The following TRIM42 variants were observed in gnomAD, a reference collection of about 807,000 sequenced individuals.
TRIM42 encodes the protein tripartite motif-containing protein 42.
In TRIM42, 59 loss-of-function variants were observed where a neutral mutation model predicts 64.9. The ratio of observed to expected loss-of-function variants is 0.91; its 90% confidence interval spans 0.74 to 1.13. The LOEUF is 1.13. TRIM42 is among the 50% of genes most tolerant of loss of function. TRIM42 has a pLI of 0.00. For missense variants in TRIM42, 878 were observed against 929.5 expected (o/e 0.94, Z 0.72); for synonymous variants, 354 against 346.3 (o/e 1.02, Z -0.25).
In TRIM42 at chr3:140,688,473, C is replaced by A. The variant is rs1021590216; in HGVS notation, c.1791C>A (p.Asn597Lys). ...SSSFHNWYSFNDGSVKTPGPI... is the reference protein window; with the variant it reads ...SSSFHNWYSFKDGSVKTPGPI... ...GCTTCCACAACTGGTACTCATTCAA[C>A]GATGGCTCTGTGAAGACCCCAGGCC... Residue 597 changes from asparagine (N) to lysine (K), a missense_variant, in exon 3 of 5, where the codon AAC (asparagine) becomes AAA (lysine). Transcript: ENST00000286349. The A allele has an allele frequency of 1.9e-6, 3 of 1,614,050 alleles. No homozygotes were observed. In the African/African-American group the frequency reaches 4.0e-5, roughly 22 times the overall value.
At chr3:140,691,272 G>C in intron 4 of TRIM42, 80 bp downstream of exon 4, 7 of 1,215,908 alleles carry the variant, frequency 5.8e-6, no homozygotes, top group Non-Finnish European at 8.4e-6. Flanking sequence ...ATGATCGTGA[G>C]ATTATAGAAC....
At chr3:140,695,642 G>C (rs1988827949) in intron 4 of TRIM42, among the ~76,000 whole-genome samples, 1 of 152,124 alleles carries the variant, frequency 6.6e-6, no homozygotes, top group Non-Finnish European at 1.5e-5. Flanking sequence ...CTGTGCTCCT[G>C]CTGAAACCCC....
intron 4 of TRIM42, among the ~76,000 whole-genome samples, chr3:140,697,831 C>T (rs1988895134): frequency 6.6e-6 from 1 of 152,150 alleles, no homozygotes; most frequent in Non-Finnish European, 1.5e-5. Flanking sequence ...CTACAGGCGC[C>T]CGCCACCACG....
chr3:140,691,093 A>C lies in TRIM42; in HGVS notation c.1986A>C (p.Gln662His). The change falls in exon 4 of 5, where the codon CAA (glutamine) becomes CAC (histidine). Residue 662 changes from glutamine (Q) to histidine (H), a missense_variant. Physicochemically the swap from Gln to His is conservative, Grantham distance 24. Transcript: ENST00000286349. ...LCGQIRDIMQ[Q>H]NLELHNLTPN... ...GACAAATTCGGGACATAATGCAGCA[A>C]AATCTGGAGCTGCACAACCTGACCC... 6.2e-7 allele frequency: 1 copy of C among 1,614,198 alleles called. No homozygotes were observed. The highest frequency in any genetic ancestry group is 8.5e-7 in the Non-Finnish European group (1 of 1,180,020).
chr3:140,679,502 G>A (rs977881587), intron 1 of TRIM42, among the ~76,000 whole-genome samples: 2 of 152,178 alleles, frequency 1.3e-5, no homozygotes, highest in Admixed American at 6.5e-5. Flanking sequence ...TTTCAAGCCT[G>A]GAAAAGCAAT....
At chr3:140,693,600 T>C (rs533313428) in intron 4 of TRIM42, among the ~76,000 whole-genome samples, 4 of 152,244 alleles carry the variant, frequency 2.6e-5, no homozygotes, top group Non-Finnish European at 5.9e-5. Context: ...CTTCATTTCT[T>C]ACCTATAAAA....
intron 4 of TRIM42, among the ~76,000 whole-genome samples, 182 bp downstream of exon 4, chr3:140,691,374 G>A (rs992472919): frequency 6.6e-6 from 1 of 152,192 alleles, no homozygotes; most frequent in Non-Finnish European, 1.5e-5. Flanking sequence ...TGCAGATGTC[G>A]CCTGAGAATT....
At chr3:140,695,472 T>C (rs1419679893) in intron 4 of TRIM42, among the ~76,000 whole-genome samples, 1 of 152,132 alleles carries the variant, frequency 6.6e-6, no homozygotes, top group Admixed American at 6.6e-5. Flanking sequence ...GGTCTTTCCC[T>C]GTTAGCTCTT....
In TRIM42 at chr3:140,700,922, C is replaced by A. The variant is rs1201699278; in HGVS notation, c.2120C>A (p.Ala707Asp). 1 of 1,614,106 alleles carries A rather than the reference C, an allele frequency of 6.2e-7. No individual in the cohort carries two copies. Among genetic ancestry groups the A allele is most frequent in the East Asian group, 2.2e-5 (1 of 44,884 alleles). The change falls in exon 5 of 5, where the codon GCT becomes GAT. Residue 707 changes from alanine (A) to aspartate (D), a missense_variant. Ala to Asp is a moderately radical substitution (Grantham distance 126). Transcript: ENST00000286349. ...VTPDGHGKNR[A>D]KWGLLKNIQS... Reference sequence around the variant, plus strand: ...CCAGATGGACATGGGAAGAACCGAGCTAAGTGGGGCCTGCTGAAGAATATC... The same window carrying A: ...CCAGATGGACATGGGAAGAACCGAGATAAGTGGGGCCTGCTGAAGAATATC...
At chr3:140,679,258 CT>C (rs1389777231) in intron 1 of TRIM42, among the ~76,000 whole-genome samples, 3 of 152,190 alleles carry the variant, frequency 2.0e-5, no homozygotes. Context: ...CTACTACCTT[CT>C]TTTTCCCATC....
chr3:140,683,804 C>T lies in TRIM42; in HGVS notation c.1039+645C>T, dbSNP rs1988480918. Among the ~76,000 whole-genome samples, 6 of 152,290 alleles carry T rather than the reference C, an allele frequency of 3.9e-5. No homozygotes were observed. The South Asian group carries it at 1.2e-3, about 32-fold the overall frequency. ...TTCTAGTCAACAGCTTATTTTTCCTCTGCATGCTTGTTCATGGTGATTTGG... is the reference window on the plus strand; with the variant it reads ...TTCTAGTCAACAGCTTATTTTTCCTTTGCATGCTTGTTCATGGTGATTTGG... On this transcript the variant is annotated intron_variant, in intron 2 of 4. Coordinates refer to ENST00000286349, the MANE Select transcript of TRIM42 (RefSeq NM_152616.5).
chr3:140,684,197 G>GT (rs1474973759), intron 2 of TRIM42, among the ~76,000 whole-genome samples: 1 of 151,822 alleles, frequency 6.6e-6, no homozygotes, highest in Non-Finnish European at 1.5e-5. Flanking sequence ...GACAACTGTG[G>GT]TTCAAAAAAA....
rs145987304 is a variant in TRIM42 at position 140,688,338 on chromosome 3, T to C, written c.1656T>C (p.Gly552=). ...FSNTDKKAKV[G]LEACGRAQSA... ...ACACTGACAAGAAGGCCAAGGTGGGTCTGGAGGCCTGTGGGAGAGCCCAGT... is the reference window on the plus strand; with the variant it reads ...ACACTGACAAGAAGGCCAAGGTGGGCCTGGAGGCCTGTGGGAGAGCCCAGT... Residue 552 remains glycine (G), a synonymous_variant, in exon 3 of 5, where the codon GGT becomes GGC. Transcript: ENST00000286349. 3 of 1,614,088 alleles carry C rather than the reference T, an allele frequency of 1.9e-6. No homozygotes were observed. The highest frequency in any genetic ancestry group is 2.5e-6 in the Non-Finnish European group (3 of 1,180,010).
At chr3:140,690,549 A>G (rs1254586613) in intron 3 of TRIM42, among the ~76,000 whole-genome samples, 66 of 19,744 alleles carry the variant, frequency 3.3e-3, no homozygotes, top group African/African-American at 6.9e-3. Flanking sequence ...ATATATATAT[A>G]TATATATATA....
chr3:140,687,408 C>T (rs77889920), intron 2 of TRIM42, among the ~76,000 whole-genome samples: 4,973 of 152,292 alleles, frequency 0.033, 256 homozygotes, highest in African/African-American at 0.11. Context: ...TTGCAGACAA[C>T]TGAAATCTGG....
At chr3:140,692,070 T>G (rs543521763) in intron 4 of TRIM42, among the ~76,000 whole-genome samples, 2 of 152,202 alleles carry the variant, frequency 1.3e-5, no homozygotes, top group African/African-American at 2.4e-5. Context: ...AGGATATGCA[T>G]CTGATCTGAT....
Position 140,683,067 on chromosome 3 carries a change from C to T in TRIM42, c.947C>T (p.Ser316Phe). The T allele has an allele frequency of 3.1e-6, 5 of 1,614,258 alleles. No individual in the cohort carries two copies. The highest frequency in any genetic ancestry group is 4.2e-6 in the Non-Finnish European group (5 of 1,180,038). The change falls in exon 2 of 5, where the codon TCT becomes TTT. Residue 316 changes from serine (S) to phenylalanine (F), a missense_variant. Transcript: ENST00000286349. ...NKLLCTFCKF[S>F]FHNGHDTISL... ...TTGCTCTGCACCTTCTGCAAGTTCTCTTTCCACAATGGCCACGACACCATT... is the reference window on the plus strand; with the variant it reads ...TTGCTCTGCACCTTCTGCAAGTTCTTTTTCCACAATGGCCACGACACCATT...
chr3:140,682,883 C>A lies in TRIM42; in HGVS notation c.763C>A (p.Arg255Ser), dbSNP rs1321886068. ...CGCTTACAAGCGCTGCATCACCTGCCGCCTCAACCTGTGCAACGACTGCCT... is the reference window on the plus strand; with the variant it reads ...CGCTTACAAGCGCTGCATCACCTGCAGCCTCAACCTGTGCAACGACTGCCT... ...RIAYKRCITC[R>S]LNLCNDCLKA... is the part of the protein sequence containing the mutation. Residue 255 changes from arginine to serine, a missense_variant, in exon 2 of 5, where the codon CGC becomes AGC. Arg to Ser is a moderately radical substitution (Grantham distance 110). Coordinates refer to ENST00000286349, the MANE Select transcript of TRIM42 (RefSeq NM_152616.5). The A allele has an allele frequency of 4.3e-6, 7 of 1,614,188 alleles. No homozygotes were observed. The highest frequency in any genetic ancestry group is 5.9e-6 in the Non-Finnish European group (7 of 1,179,994).
intron 4 of TRIM42, among the ~76,000 whole-genome samples, chr3:140,696,235 T>C (rs1263151619): frequency 6.6e-6 from 1 of 152,234 alleles, no homozygotes; most frequent in Non-Finnish European, 1.5e-5. Flanking sequence ...ATGATTTGCA[T>C]TGTTGTTTTC....
Sources: gnomAD v4.1 joint callset for allele counts (sites outside exome capture counted in the v4.1 genomes callset) on GRCh38, gnomAD v4.1.1 for gene constraint, MANE v1.5 for transcripts, NCBI Gene and HGNC (gene_info 2026-07-23, HGNC 2026-07-21) for gene names.